Variants in UPRT observed in about 807,000 individuals in gnomAD.
UPRT encodes uracil phosphoribosyltransferase homolog.
UPRT carries 5 observed loss-of-function variants against 22.6 expected under a neutral mutation model. That is an observed-to-expected ratio of 0.22 (90% confidence interval 0.12 to 0.47). UPRT has a LOEUF of 0.47. Among genes scored for constraint, UPRT ranks in the 20% least tolerant of loss-of-function variants. UPRT has a pLI of 0.99. For missense variants in UPRT, 181 were observed against 239.9 expected, an observed-to-expected ratio of 0.75 and a Z score of 1.62; for synonymous variants, 77 against 87.7, an observed-to-expected ratio of 0.88 and a Z score of 0.68.
intron 3 of UPRT, among the ~76,000 whole-genome samples, chrX:75,164,290 G>A (rs1312022978): frequency 8.9e-6 from 1 of 112,007 alleles, no homozygotes; most frequent in Non-Finnish European, 1.9e-5. Flanking sequence ...ATAGGGTGAT[G>A]CAGAAAGAAG....
At chrX:75,193,518 G>A (rs949192064) in intron 4 of UPRT, among the ~76,000 whole-genome samples, 4 of 112,010 alleles carry the variant, frequency 3.6e-5, no homozygotes, top group East Asian at 2.8e-4. Context: ...CCTCTCTAGT[G>A]AGGTTCATGG....
chrX:75,233,787 A>G (rs1446536074), intron 4 of UPRT, among the ~76,000 whole-genome samples: 68 of 111,583 alleles, frequency 6.1e-4, no homozygotes, highest in Middle Eastern at 9.2e-3. Context: ...TGAAGGAAGC[A>G]CTAAACATGG....
At chrX:75,158,702 T>C (rs2082190623) in intron 1 of UPRT, among the ~76,000 whole-genome samples, 1 of 111,718 alleles carries the variant, frequency 9.0e-6, no homozygotes. Context: ...CAGAACTTAT[T>C]CTCACCTCAG....
At chrX:75,185,698 A>G (rs1264171096) in intron 4 of UPRT, among the ~76,000 whole-genome samples, 1 of 111,517 alleles carries the variant, frequency 9.0e-6, no homozygotes, top group Non-Finnish European at 1.9e-5. Context: ...ACAATTTCAG[A>G]TCCTGTTATT....
chrX:75,251,971 C>G (rs1375733886), intron 4 of UPRT, among the ~76,000 whole-genome samples: 1 of 111,942 alleles, frequency 8.9e-6, no homozygotes, highest in African/African-American at 3.2e-5. Context: ...AAAGGATTCC[C>G]TATTTAATAA....
intron 4 of UPRT, among the ~76,000 whole-genome samples, chrX:75,236,337 T>A (rs1428398299): frequency 9.0e-6 from 1 of 111,588 alleles, no homozygotes; most frequent in South Asian, 3.8e-4. Context: ...TGCTCATGGG[T>A]AGGAAGAATG....
chrX:75,200,853 G>A (rs896649702), intron 4 of UPRT, among the ~76,000 whole-genome samples: 1 of 111,462 alleles, frequency 9.0e-6, no homozygotes. Context: ...GCACTGAGGT[G>A]GGAGGATTGC....
At chrX:75,240,055 T>C (rs1185342170) in intron 4 of UPRT, among the ~76,000 whole-genome samples, 8 of 111,090 alleles carry the variant, frequency 7.2e-5, no homozygotes, top group African/African-American at 2.6e-4. Flanking sequence ...GATGCCTACT[T>C]TCACCACTTC....
At chrX:75,169,004 C>T (rs1373171178) in intron 4 of UPRT, among the ~76,000 whole-genome samples, 1 of 111,860 alleles carries the variant, frequency 8.9e-6, no homozygotes, top group African/African-American at 3.2e-5. Context: ...AGCTTAGCTC[C>T]CACTTACGAG....
At chrX:75,266,935 A>G (rs1450898779) in intron 4 of UPRT, among the ~76,000 whole-genome samples, 2 of 111,403 alleles carry the variant, frequency 1.8e-5, no homozygotes, top group Admixed American at 1.9e-4. Context: ...AAGTCAGGAA[A>G]TAACAGGTTC....
At chrX:75,258,465 G>A (rs1218272814) in intron 4 of UPRT, among the ~76,000 whole-genome samples, 3 of 110,739 alleles carry the variant, frequency 2.7e-5, no homozygotes, top group Non-Finnish European at 5.7e-5. Context: ...GCTGAGGCAT[G>A]AGTAGGAGGT....
At chrX:75,292,115 C>T (rs919178950) in intron 1 of UPRT, among the ~76,000 whole-genome samples, 1 of 111,810 alleles carries the variant, frequency 8.9e-6, no homozygotes, top group African/African-American at 3.2e-5. Context: ...TAAGTCAAAT[C>T]CAGACTTCTT....
intron 1 of UPRT, among the ~76,000 whole-genome samples, chrX:75,285,862 A>T (rs1044715873): frequency 2.7e-5 from 3 of 110,699 alleles, no homozygotes; most frequent in Admixed American, 1.9e-4. Flanking sequence ...TATTTTTTTT[A>T]AACTTTTTGC....
chrX:75,196,554 A>G (rs961324542), intron 4 of UPRT, among the ~76,000 whole-genome samples: 1 of 112,363 alleles, frequency 8.9e-6, no homozygotes, highest in Non-Finnish European at 1.9e-5. Context: ...TTAAGAAATA[A>G]TAATAGAAAG....
intron 4 of UPRT, among the ~76,000 whole-genome samples, chrX:75,268,437 C>G (rs752064155): frequency 9.0e-6 from 1 of 111,147 alleles, no homozygotes; most frequent in Admixed American, 9.6e-5. Context: ...GTACCACAAC[C>G]TGGCAGAGAC....
intron 4 of UPRT, among the ~76,000 whole-genome samples, chrX:75,173,564 T>C (rs1204633184): frequency 8.9e-6 from 1 of 112,422 alleles, no homozygotes; most frequent in African/African-American, 3.2e-5. Flanking sequence ...GGGCTGCAGG[T>C]GGAGCTGCCT....
intron 4 of UPRT, among the ~76,000 whole-genome samples, chrX:75,181,979 G>A (rs1051552215): frequency 6.3e-5 from 7 of 111,749 alleles, no homozygotes; most frequent in African/African-American, 2.3e-4. Flanking sequence ...GCTGCCAGTG[G>A]GTTAGTCATA....
chrX:75,263,590 T>G (rs1341134773), intron 4 of UPRT, among the ~76,000 whole-genome samples: 1 of 110,926 alleles, frequency 9.0e-6, no homozygotes, highest in Non-Finnish European at 1.9e-5. Flanking sequence ...TTTTTGCATC[T>G]ATTTGATTCT....
chrX:75,171,827 C>T (rs1410756265), intron 4 of UPRT, among the ~76,000 whole-genome samples: 2 of 110,927 alleles, frequency 1.8e-5, no homozygotes, highest in East Asian at 2.8e-4. Flanking sequence ...TCCTGAGAGC[C>T]GAACTCTAAT....
Sources: gnomAD v4.1 joint callset for allele counts (sites outside exome capture counted in the v4.1 genomes callset) on GRCh38, gnomAD v4.1.1 for gene constraint, MANE v1.5 for transcripts, NCBI Gene and HGNC (gene_info 2026-07-23, HGNC 2026-07-21) for gene names.